The following HORMAD2 variants were observed in gnomAD, a reference collection of about 807,000 sequenced individuals.
HORMAD2 encodes the protein HORMA domain containing 2.
HORMAD2 carries 45 observed loss-of-function variants against 38.8 expected under a neutral mutation model. The ratio of observed to expected loss-of-function variants is 1.16; its 90% confidence interval spans 0.91 to 1.49. The LOEUF is 1.49. HORMAD2 is among the 40% of genes most tolerant of loss of function. HORMAD2 has a pLI of 0.00. For missense variants in HORMAD2, 338 were observed against 367.0 expected (o/e 0.92, Z 0.65); for synonymous variants, 126 against 122.8 (o/e 1.03, Z -0.17).
rs1235486561 is a variant in HORMAD2 at position 30,176,712 on chromosome 22, A to C, written c.*545A>C. ...TGGGACCAAAATGTGCCCTGCCTCA[A>C]CTCTGGCCCCAGGCCCTGTTCTGTT... On this transcript the variant is annotated 3_prime_UTR_variant, in exon 11 of 11. Coordinates refer to ENST00000336726, the MANE Select transcript of HORMAD2 (RefSeq NM_152510.4). The C allele has an allele frequency of 6.5e-6, 1 of 152,916 alleles. No homozygotes were observed. Among genetic ancestry groups the C allele is most frequent in the African/African-American group, 2.4e-5 (1 of 41,402 alleles). The allele number at this position is 152,916 out of a possible 1,614,324, so 9.5% of individuals were successfully genotyped here.
At chr22:30,184,273 G>T in the HORMAD2 span, among the ~76,000 whole-genome samples, 2 of 152,180 alleles carry the variant, frequency 1.3e-5, no homozygotes, top group African/African-American at 4.8e-5. Context: ...ATAATGAAAT[G>T]ACTCTCTAGC....
intron 3 of HORMAD2, among the ~76,000 whole-genome samples, chr22:30,101,128 G>A (rs1311825062): frequency 6.6e-6 from 1 of 152,188 alleles, no homozygotes; most frequent in Admixed American, 6.5e-5. Flanking sequence ...AAAGACACAT[G>A]CACACATATG....
At chr22:30,111,887 A>G in intron 6 of HORMAD2, 71 bp downstream of exon 6, 1 of 1,196,886 alleles carries the variant, frequency 8.4e-7, no homozygotes. Flanking sequence ...TGAAACATTA[A>G]AACAGTACTC....
At chr22:30,174,650 C>T (rs1010878911) in intron 10 of HORMAD2, among the ~76,000 whole-genome samples, 3 of 152,196 alleles carry the variant, frequency 2.0e-5, no homozygotes, top group Non-Finnish European at 2.9e-5. Flanking sequence ...GTTGAGAATT[C>T]GTACACTCAT....
Position 30,129,217 on chromosome 22 carries a change from CAAAAAAAAAAAAAAAAAAAA to C in HORMAD2, c.819+7023_819+7042del, listed in dbSNP as rs750796623. Among the ~76,000 whole-genome samples, 144 of 22,614 alleles carry C rather than the reference CAAAAAAAAAAAAAAAAAAAA, an allele frequency of 6.4e-3. 3 individuals are homozygous for C. Among genetic ancestry groups the C allele is most frequent in the East Asian group, 9.9e-3 (5 of 504 alleles). The allele number at this position is 22,614 out of a possible 152,430, so 14.8% of individuals were successfully genotyped here. On this transcript the variant is annotated intron_variant, in intron 10 of 10. Coordinates refer to ENST00000336726, the MANE Select transcript of HORMAD2 (RefSeq NM_152510.4). ...TGGGTGGCAGAGTGAGACTCTATCTCAAAAAAAAAAAAAAAAAAAAAAAAAAAAAAAAAAAAAAAGAGAGA... is the reference window on the plus strand; with the variant it reads ...TGGGTGGCAGAGTGAGACTCTATCTCAAAAAAAAAAAAAAAAAAAGAGAGA...
intron 5 of HORMAD2, among the ~76,000 whole-genome samples, chr22:30,105,987 A>T (rs1267675764): frequency 4.6e-5 from 7 of 152,008 alleles, no homozygotes; most frequent in Admixed American, 4.6e-4. Context: ...TCTATGTCAT[A>T]TTGGGCTTTA....
At chr22:30,092,376 C>G (rs2068707528) in intron 1 of HORMAD2, among the ~76,000 whole-genome samples, 1 of 111,790 alleles carries the variant, frequency 8.9e-6, no homozygotes, top group Non-Finnish European at 1.8e-5. Flanking sequence ...TTTTGAGTTG[C>G]TTGCACTTCT....
At chr22:30,161,487 C>T (rs1182805408) in intron 10 of HORMAD2, among the ~76,000 whole-genome samples, 1 of 152,152 alleles carries the variant, frequency 6.6e-6, no homozygotes, top group Admixed American at 6.5e-5. Flanking sequence ...CTGTAAATTT[C>T]CTCTATTCAT....
chr22:30,106,013 A>AT (rs1375960909), intron 5 of HORMAD2, among the ~76,000 whole-genome samples: 5 of 151,962 alleles, frequency 3.3e-5, no homozygotes, highest in Admixed American at 3.3e-4. Context: ...TTATTTATTA[A>AT]TTTTTTTGTG....
chr22:30,150,487 C>G (rs1286329906), intron 10 of HORMAD2, among the ~76,000 whole-genome samples: 1 of 152,074 alleles, frequency 6.6e-6, no homozygotes, highest in East Asian at 1.9e-4. Flanking sequence ...TTGTTTCCTC[C>G]TCTTCCCCCA....
chr22:30,186,318 C>G, the HORMAD2 span, among the ~76,000 whole-genome samples: 3 of 149,294 alleles, frequency 2.0e-5, no homozygotes, highest in Non-Finnish European at 4.4e-5. Flanking sequence ...TGTTTTCTCT[C>G]CTCTGGATAG....
intron 8 of HORMAD2, among the ~76,000 whole-genome samples, chr22:30,119,506 T>C (rs1922289720): frequency 6.6e-6 from 1 of 152,210 alleles, no homozygotes; most frequent in Non-Finnish European, 1.5e-5. Context: ...TGTCCTTGTA[T>C]GAAAAGATTA....
chr22:30,103,452 T>A lies in HORMAD2; in HGVS notation c.209T>A (p.Ile70Asn). 6.5e-7 allele frequency: 1 copy of A among 1,537,946 alleles called. No homozygotes were observed. The highest frequency in any genetic ancestry group is 8.8e-7 in the Non-Finnish European group (1 of 1,133,004). ...GTTTTTGTAGACCTCAGTTTAAAAA[T>A]CCTCCGAGAAGATAAAAAATGTCCC... ...ERHLDDLSLK[I>N]LREDKKCPGS... The change falls in exon 4 of 11, where the codon ATC becomes AAC. Residue 70 changes from isoleucine to asparagine, a missense_variant. Coordinates refer to ENST00000336726, the MANE Select transcript of HORMAD2 (RefSeq NM_152510.4).
At chr22:30,202,964 C>A in the HORMAD2 span, among the ~76,000 whole-genome samples, 2 of 152,172 alleles carry the variant, frequency 1.3e-5, no homozygotes, top group Non-Finnish European at 2.9e-5. Context: ...GCCCAGGGCA[C>A]GGTCTGGCCT....
chr22:30,122,243 C>T (rs1278202145), intron 10 of HORMAD2, 29 bp downstream of exon 10: 6 of 1,582,422 alleles, frequency 3.8e-6, no homozygotes, highest in African/African-American at 2.7e-5. Flanking sequence ...GATTTTCTAT[C>T]GTGTCAGTTA....
chr22:30,175,799 A>G (rs1416384215), intron 10 of HORMAD2, among the ~76,000 whole-genome samples: 2 of 152,154 alleles, frequency 1.3e-5, no homozygotes, highest in Non-Finnish European at 2.9e-5. Flanking sequence ...CAAGAGTTGG[A>G]TGTGTTGAAT....
intron 10 of HORMAD2, among the ~76,000 whole-genome samples, chr22:30,171,446 T>TA (rs1459551736): frequency 6.6e-6 from 1 of 152,142 alleles, no homozygotes; most frequent in Non-Finnish European, 1.5e-5. Context: ...ATCTCTCTCT[T>TA]ACCATGGTAT....
chr22:30,207,074 G>C, the HORMAD2 span: 2 of 470,788 alleles, frequency 4.2e-6, no homozygotes, highest in Non-Finnish European at 4.4e-6. Context: ...TGGAATGTTT[G>C]GACATCCCAG....
intron 10 of HORMAD2, among the ~76,000 whole-genome samples, chr22:30,169,340 G>A (rs1353275240): frequency 2.0e-5 from 3 of 152,124 alleles, no homozygotes; most frequent in African/African-American, 4.8e-5. Context: ...GTCTGGCACA[G>A]AGAAGGTGCC....
Sources: allele counts gnomAD v4.1 joint callset (sites outside exome capture counted in the v4.1 genomes callset), GRCh38; gene constraint gnomAD v4.1.1; transcripts MANE v1.5; gene names NCBI Gene and HGNC (gene_info 2026-07-23, HGNC 2026-07-21).